PTCHD1: variants seen among roughly 807,000 people sequenced by gnomAD.
PTCHD1 encodes the protein patched domain containing 1.
PTCHD1 carries 3 observed loss-of-function variants against 34.6 expected under a neutral mutation model. The ratio of observed to expected loss-of-function variants is 0.09; its 90% CI spans 0.04 to 0.22. The LOEUF (loss-of-function observed/expected upper bound fraction) is 0.22. Among genes scored for constraint, PTCHD1 ranks in the 10% least tolerant of loss-of-function variants. The pLI is 1.00. For synonymous variants in PTCHD1, 305 were observed against 283.1 expected (o/e 1.08, Z -0.77); for missense variants, 504 against 685.5 (o/e 0.74, Z 2.96).
At chrX:23,355,213 T>TTA (rs1937765124) in intron 1 of PTCHD1, among the ~76,000 whole-genome samples, 2 of 110,892 alleles carry the variant, frequency 1.8e-5, no homozygotes, top group Admixed American at 9.6e-5. Flanking sequence ...TACCCTCAGA[T>TTA]TCACACGTTG....
At chrX:23,370,536 G>A (rs1224230981) in intron 1 of PTCHD1, among the ~76,000 whole-genome samples, 3 of 111,558 alleles carry the variant, frequency 2.7e-5, no homozygotes, top group South Asian at 3.8e-4. Flanking sequence ...CCTATAATAC[G>A]TTATTTTATG....
At chrX:23,355,107 T>G (rs1921768475) in intron 1 of PTCHD1, among the ~76,000 whole-genome samples, 1 of 110,827 alleles carries the variant, frequency 9.0e-6, no homozygotes, top group Non-Finnish European at 1.9e-5. Context: ...CCCCGCCTAC[T>G]GGGGCAGCAG....
intron 1 of PTCHD1, among the ~76,000 whole-genome samples, chrX:23,351,975 G>A (rs1921648738): frequency 8.9e-6 from 1 of 111,780 alleles, no homozygotes. Context: ...ATATGGAAGA[G>A]ACATGAAAAT....
chrX:23,385,138 C>T lies in PTCHD1; in HGVS notation c.1012+4887C>T, dbSNP rs768300208. On this transcript the variant is annotated intron_variant, in intron 2 of 2. Coordinates refer to ENST00000379361, the MANE Select transcript of PTCHD1 (RefSeq NM_173495.3). Reference sequence around the variant, plus strand: ...TTTCCAAAGTTTGTCTCTCGAATATCGTTTTTTGTAATGGTCCATGGTCAT... The same window carrying T: ...TTTCCAAAGTTTGTCTCTCGAATATTGTTTTTTGTAATGGTCCATGGTCAT... Among the ~76,000 whole-genome samples the T allele has an allele frequency of 3.1e-4, 35 of 111,176 alleles. No homozygotes were observed. The South Asian group carries it at 0.013, about 41-fold the overall frequency.
chrX:23,394,396 TCACACACACATAGA>T lies in PTCHD1; in HGVS notation c.*222_*235del, dbSNP rs1304727971. On this transcript the variant is annotated 3_prime_UTR_variant, in exon 3 of 3. Transcript: ENST00000379361. ...AAAACAAAGGAGTTGTTATGAGAAT[TCACACACACATAGA>T]CACACACACACACACACACACACAC... 13 of 251,137 alleles carry T rather than the reference TCACACACACATAGA, an allele frequency of 5.2e-5. No individual in the cohort carries two copies. Among genetic ancestry groups the T allele is most frequent in the South Asian group, 2.0e-4 (4 of 19,943 alleles). The allele number at this position is 251,137 out of a possible 1,213,427, so 20.7% of individuals were successfully genotyped here.
chrX:23,375,426 A>G (rs1196674064), intron 1 of PTCHD1, among the ~76,000 whole-genome samples: 1 of 110,099 alleles, frequency 9.1e-6, no homozygotes, highest in Non-Finnish European at 1.9e-5. Flanking sequence ...TGTAGCTGGG[A>G]TAACAGGCGC....
rs1356321204 is a variant in PTCHD1, at chrX:23,393,050, A to G, written c.1532A>G (p.Tyr511Cys). 1 of 1,210,211 alleles carries G rather than the reference A, an allele frequency of 8.3e-7. No individual in the cohort carries two copies. The highest frequency in any genetic ancestry group is 1.7e-5 in the African/African-American group (1 of 57,260). Residue 511 changes from tyrosine to cysteine, a missense_variant, in exon 3 of 3, where the codon TAT becomes TGT. Physicochemically the swap from Tyr to Cys is radical, Grantham distance 194. Coordinates refer to ENST00000379361, the MANE Select transcript of PTCHD1 (RefSeq NM_173495.3). Reference sequence around the variant, plus strand: ...TTTGTAGTTCTCTTTTACCTTATTTATATTTCCTTTGCCTTAATGGGCTAT... The same window carrying G: ...TTTGTAGTTCTCTTTTACCTTATTTGTATTTCCTTTGCCTTAATGGGCTAT... The part of the protein sequence containing the change: ...KPFVVLFYLI[Y>C]ISFALMGYLQ...
intron 2 of PTCHD1, among the ~76,000 whole-genome samples, chrX:23,381,582 GGGGC>G (rs1173872609): frequency 8.9e-6 from 1 of 111,824 alleles, no homozygotes; most frequent in Non-Finnish European, 1.9e-5. Context: ...CACGATAAGC[GGGGC>G]TGGTGGGGCT....
At chrX:23,355,767 A>G (rs1260310727) in intron 1 of PTCHD1, among the ~76,000 whole-genome samples, 1 of 112,518 alleles carries the variant, frequency 8.9e-6, no homozygotes, top group Non-Finnish European at 1.9e-5. Context: ...AGCCTGGAAA[A>G]GGAGAGAAGA....
chrX:23,358,278 G>C (rs1438765909), intron 1 of PTCHD1, among the ~76,000 whole-genome samples: 1 of 112,045 alleles, frequency 8.9e-6, no homozygotes, highest in South Asian at 3.7e-4. Flanking sequence ...CCCACCAACA[G>C]TGTAAAAGTG....
chrX:23,336,056 G>A (rs897905972), intron 1 of PTCHD1, among the ~76,000 whole-genome samples: 3 of 110,998 alleles, frequency 2.7e-5, no homozygotes, highest in Non-Finnish European at 5.7e-5. Flanking sequence ...ACCCCGAGAA[G>A]AGCACAGGAA....
Position 23,392,616 on chromosome X carries a change from A to T in PTCHD1, c.1098A>T (p.Ala366=). The change falls in exon 3 of 3, where the codon GCA becomes GCT. Residue 366 remains alanine (A), a synonymous_variant. Coordinates refer to ENST00000379361, the MANE Select transcript of PTCHD1 (RefSeq NM_173495.3). ...EDQHVKERTA[A]VYADSMLSFS... ...AACATGTTAAAGAGAGAACTGCAGC[A>T]GTCTATGCAGACTCCATGCTCTCCT... 8.3e-7 allele frequency: 1 copy of T among 1,206,675 alleles called. No individual in the cohort carries two copies. Among genetic ancestry groups the T allele is most frequent in the Non-Finnish European group, 1.1e-6 (1 of 890,667 alleles).
At chrX:23,375,294 T>C (rs1261170443) in intron 1 of PTCHD1, among the ~76,000 whole-genome samples, 1 of 103,093 alleles carries the variant, frequency 9.7e-6, no homozygotes, top group Non-Finnish European at 2.0e-5. Flanking sequence ...ATTCTTTTTT[T>C]TTTTTTTTTT....
At chrX:23,392,334 G>A (rs946371251) in intron 2 of PTCHD1, among the ~76,000 whole-genome samples, 197 bp from the exon 3 acceptor site, 6 of 110,215 alleles carry the variant, frequency 5.4e-5, no homozygotes, top group East Asian at 2.8e-4. Flanking sequence ...CTGCCCTTTC[G>A]TTATCCATTA....
chrX:23,393,691 G>T lies in PTCHD1; in HGVS notation c.2173G>T (p.Val725Phe). Residue 725 changes from valine to phenylalanine, a missense_variant, in exon 3 of 3, where the codon GTC becomes TTC. By Grantham distance (50) the Val-to-Phe change is conservative. Transcript: ENST00000379361. The stretch of plus-strand genomic sequence containing the variant: ...CCTGGTGGCAGATTCACTGATTAAC[G>T]TCTGGATCACTCTCACAGTTGTGTC... Reference protein sequence around the residue: ...AFLVADSLINVWITLTVVSVE... With the variant: ...AFLVADSLINFWITLTVVSVE... The T allele has an allele frequency of 1.7e-6, 2 of 1,211,573 alleles. No homozygotes were observed. The highest frequency in any genetic ancestry group is 3.5e-5 in the South Asian group (2 of 56,979).
intron 1 of PTCHD1, among the ~76,000 whole-genome samples, chrX:23,367,932 G>T (rs188871524): frequency 6.5e-4 from 72 of 110,866 alleles, no homozygotes; most frequent in African/African-American, 2.1e-3. Context: ...GCCTGTGATA[G>T]TCCCATTTTA....
At chrX:23,370,874 C>G (rs752715342) in intron 1 of PTCHD1, among the ~76,000 whole-genome samples, 9 of 111,292 alleles carry the variant, frequency 8.1e-5, no homozygotes, top group Non-Finnish European at 1.5e-4. Flanking sequence ...GAGATCCTTC[C>G]TAGCCCAAAA....
At chrX:23,377,048 C>G (rs773361041) in intron 1 of PTCHD1, among the ~76,000 whole-genome samples, 13 of 111,904 alleles carry the variant, frequency 1.2e-4, no homozygotes, top group Non-Finnish European at 1.7e-4. Flanking sequence ...TGGAAGATCC[C>G]TAAAGAGTTT....
At position 23,335,062 on chromosome X, in the gene PTCHD1, G is replaced by A; in HGVS notation, c.187G>A (p.Ala63Thr). Reference protein sequence around the residue: ...EHLLAPQHSLAKIERNLVNSL... With the variant: ...EHLLAPQHSLTKIERNLVNSL... ...CCTGCTGGCGCCCCAGCACAGCCTG[G>A]CCAAGATCGAGCGCAACCTCGTTAA... The change falls in exon 1 of 3, where the codon GCC becomes ACC. Residue 63 changes from alanine (A) to threonine (T), a missense_variant. Coordinates refer to ENST00000379361, the MANE Select transcript of PTCHD1 (RefSeq NM_173495.3). 1 of 1,211,102 alleles carries A rather than the reference G, an allele frequency of 8.3e-7. No homozygotes were observed. The highest frequency in any genetic ancestry group is 1.1e-6 in the Non-Finnish European group (1 of 895,183).
Sources: allele counts gnomAD v4.1 joint callset (sites outside exome capture counted in the v4.1 genomes callset), GRCh38; gene constraint gnomAD v4.1.1; transcripts MANE v1.5; gene names NCBI Gene and HGNC (gene_info 2026-07-23, HGNC 2026-07-21).